The following TRIM33 variants were observed in gnomAD, a reference collection of about 807,000 sequenced individuals.
TRIM33 encodes E3 ubiquitin-protein ligase TRIM33.
Under a neutral mutation model 125.4 loss-of-function variants are expected in TRIM33, and 20 were observed. The observed-to-expected ratio is 0.16, with a 90% CI of 0.11 to 0.23. The LOEUF (loss-of-function observed/expected upper bound fraction) is 0.23, where lower values mean the gene tolerates loss of function less well. Ranked by LOEUF, TRIM33 falls within the 10% of genes least tolerant of loss-of-function variation. The pLI, the probability that TRIM33 is intolerant of heterozygous loss-of-function variation, is 1.00. For synonymous variants in TRIM33, 564 were observed against 513.9 expected (o/e 1.10, Z -1.32); for missense variants, 920 against 1,411.4 (o/e 0.65, Z 5.58).
intron 1 of TRIM33, among the ~76,000 whole-genome samples, chr1:114,491,195 TTAATA>T (rs1475956788): frequency 3.3e-5 from 5 of 152,204 alleles, no homozygotes; most frequent in Non-Finnish European, 5.9e-5. Context: ...AGTGGCTATA[TTAATA>T]TAAGATCAAA....
chr1:114,477,347 G>GAA (rs906576750), intron 1 of TRIM33, among the ~76,000 whole-genome samples: 2 of 134,224 alleles, frequency 1.5e-5, no homozygotes. Context: ...AACCTTAAAG[G>GAA]AAAAAAAAAA....
chr1:114,434,529 A>G, intron 4 of TRIM33, among the ~76,000 whole-genome samples: 1 of 152,250 alleles, frequency 6.6e-6, no homozygotes, highest in East Asian at 1.9e-4. Context: ...TTTTCTAATC[A>G]TAATAGTGCA....
At position 114,401,313 on chromosome 1, in the gene TRIM33, C is replaced by T. The variant is rs549540457; in HGVS notation, c.2967+76G>A. On this transcript the variant is annotated intron_variant, in intron 17 of 19. Coordinates refer to ENST00000358465, the MANE Select transcript of TRIM33 (RefSeq NM_015906.4). ...TGCTGGGATTACAGGCGTGAGCCAC[C>T]GCGCCCGGCCGCCAGAGCCCATACT... 2.6e-5 allele frequency: 32 copies of T among 1,241,610 alleles called. No individual in the cohort carries two copies. The African/African-American group carries it at 2.6e-4, about 10-fold the overall frequency. 76.9% of individuals were successfully genotyped at this position (1,241,610 alleles called of 1,614,324 possible). A position where few individuals can be genotyped will look rare whatever the true frequency, so the allele number is the denominator to read the frequency against.
intron 6 of TRIM33, among the ~76,000 whole-genome samples, chr1:114,429,471 G>A (rs1027280783): frequency 1.3e-4 from 19 of 151,870 alleles, no homozygotes; most frequent in Admixed American, 5.9e-4. Flanking sequence ...GATTACAGGC[G>A]TGAGCCACCG....
chr1:114,436,846 C>T lies in TRIM33; in HGVS notation c.924-3113G>A, dbSNP rs907561956. ...TGAAAGAGCAACATTTGATTTATCC[C>T]ACATACTATGATTTCTCTACATCCA... On this transcript the variant is annotated intron_variant, in intron 4 of 19. Transcript: ENST00000358465. Among the ~76,000 whole-genome samples the T allele has an allele frequency of 4.6e-5, 7 of 152,158 alleles. No individual in the cohort carries two copies. The South Asian group carries it at 1.2e-3, about 27-fold the overall frequency.
chr1:114,466,040 CA>C (rs550406311), intron 1 of TRIM33, among the ~76,000 whole-genome samples: 6,527 of 129,960 alleles, frequency 0.05, 146 homozygotes, highest in African/African-American at 0.074. Context: ...GACTCGGTCT[CA>C]AAAAAAAAAA....
At chr1:114,420,375 C>T (rs1435817279) in intron 11 of TRIM33, 1 of 1,330,124 alleles carries the variant, frequency 7.5e-7, no homozygotes, top group Non-Finnish European at 1.0e-6. Context: ...CAACAAAGAT[C>T]TAACCACATT....
intron 14 of TRIM33, 23 bp downstream of exon 14, chr1:114,406,918 G>C: frequency 6.2e-7 from 1 of 1,610,476 alleles, no homozygotes; most frequent in African/African-American, 1.3e-5. Context: ...TTAAGTCCCT[G>C]TCAGACTCCA....
At chr1:114,466,115 G>GAA (rs1391718755) in intron 1 of TRIM33, among the ~76,000 whole-genome samples, 1 of 152,030 alleles carries the variant, frequency 6.6e-6, no homozygotes, top group East Asian at 1.9e-4. Flanking sequence ...ACCAAAGGGA[G>GAA]AAATAGTAAA....
intron 11 of TRIM33, among the ~76,000 whole-genome samples, chr1:114,417,333 T>A (rs1652999368): frequency 6.6e-6 from 1 of 152,222 alleles, no homozygotes; most frequent in African/African-American, 2.4e-5. Flanking sequence ...TTAGAGTGGA[T>A]CTCATGGTAT....
chr1:114,408,649 G>A, intron 13 of TRIM33, 28 bp downstream of exon 13: 2 of 1,493,002 alleles, frequency 1.3e-6, no homozygotes, highest in African/African-American at 1.4e-5. Context: ...TTAACAAAAA[G>A]GAAAAAAATA....
chr1:114,427,260 C>T lies in TRIM33; in HGVS notation c.1337G>A (p.Arg446Gln), dbSNP rs1181202365. ...TFQLRHILKA[R>Q]CDPVPAANGA... is the part of the protein sequence containing the mutation. ...ATTAGCAGCAGGGACAGGATCACAC[C>T]GTGCTTTCAAAATATGACGCAACTG... The change falls in exon 8 of 20, where the codon CGG becomes CAG. Residue 446 changes from arginine (R) to glutamine (Q), a missense_variant. Transcript: ENST00000358465. 5.0e-6 allele frequency: 8 copies of T among 1,594,916 alleles called. No homozygotes were observed. Among genetic ancestry groups the T allele is most frequent in the Admixed American group, 1.7e-5 (1 of 58,574 alleles).
intron 1 of TRIM33, among the ~76,000 whole-genome samples, chr1:114,507,991 C>T (rs1653101703): frequency 6.6e-6 from 1 of 152,046 alleles, no homozygotes; most frequent in African/African-American, 2.4e-5. Flanking sequence ...GTGATATGCG[C>T]CTGCAATCTC....
At chr1:114,481,083 A>G (rs1275133440) in intron 1 of TRIM33, among the ~76,000 whole-genome samples, 1 of 152,018 alleles carries the variant, frequency 6.6e-6, no homozygotes, top group Admixed American at 6.6e-5. Flanking sequence ...GAGACAGGAG[A>G]ATAGCTTGAA....
At chr1:114,489,767 A>T (rs12083692) in intron 1 of TRIM33, among the ~76,000 whole-genome samples, 35,536 of 151,842 alleles carry the variant, frequency 0.23, 4,327 homozygotes, top group Non-Finnish European at 0.26. Flanking sequence ...AATAAATAAA[A>T]AAAACATGTG....
intron 2 of TRIM33, among the ~76,000 whole-genome samples, chr1:114,463,972 T>C (rs1650145368): frequency 6.6e-6 from 1 of 151,892 alleles, no homozygotes; most frequent in African/African-American, 2.4e-5. Context: ...TCTCACTATG[T>C]TGCCCAAGCT....
rs549143647 is a variant in TRIM33 at position 114,393,841 on chromosome 1, C to A, written c.*3807G>T. On this transcript the variant is annotated 3_prime_UTR_variant, in exon 20 of 20. Coordinates refer to ENST00000358465, the MANE Select transcript of TRIM33 (RefSeq NM_015906.4). ...AAAATGCCACAATATAGTGTCATTA[C>A]TTCCAGCATACATTTAAATTTCTTA... The A allele has an allele frequency of 1.9e-5, 4 of 210,522 alleles. No individual in the cohort carries two copies. Among genetic ancestry groups the A allele is most frequent in the African/African-American group, 9.1e-5 (4 of 44,154 alleles). 13.0% of individuals were successfully genotyped at this position (210,522 alleles called of 1,614,324 possible).
intron 13 of TRIM33, among the ~76,000 whole-genome samples, chr1:114,407,458 A>T (rs1279042107): frequency 6.6e-6 from 1 of 152,196 alleles, no homozygotes; most frequent in Non-Finnish European, 1.5e-5. Flanking sequence ...CTAGAATATT[A>T]TCCTCAAACA....
At chr1:114,498,257 GA>G (rs1487222394) in intron 1 of TRIM33, among the ~76,000 whole-genome samples, 1 of 151,966 alleles carries the variant, frequency 6.6e-6, no homozygotes, top group Non-Finnish European at 1.5e-5. Flanking sequence ...GCCTGGGGAA[GA>G]AAAACATTTG....
Sources: allele counts gnomAD v4.1 joint callset (sites outside exome capture counted in the v4.1 genomes callset), GRCh38; gene constraint gnomAD v4.1.1; transcripts MANE v1.5; gene names NCBI Gene and HGNC (gene_info 2026-07-23, HGNC 2026-07-21).